The following C2CD5 variants were observed in gnomAD, a reference collection of about 807,000 sequenced individuals.
C2CD5 encodes the protein C2 calcium dependent domain containing 5.
Under a neutral mutation model 130.3 loss-of-function variants are expected in C2CD5, and 109 were observed. The observed-to-expected ratio is 0.84, with a 90% CI of 0.72 to 0.98. C2CD5 has a LOEUF of 0.98. C2CD5 is among the 50% of genes least tolerant of loss of function. The pLI is 0.00. For missense variants in C2CD5, 996 were observed against 1,261.8 expected (o/e 0.79, Z 3.19); for synonymous variants, 454 against 429.2 (o/e 1.06, Z -0.71).
At chr12:22,502,574 T>A (rs1947934425) in intron 10 of C2CD5, among the ~76,000 whole-genome samples, 1 of 152,228 alleles carries the variant, frequency 6.6e-6, no homozygotes, top group African/African-American at 2.4e-5. Context: ...TTTTTATATT[T>A]GTATTTCCAT....
At chr12:22,465,117 CTTG>C (rs1410150439) in intron 22 of C2CD5, among the ~76,000 whole-genome samples, 1 of 152,104 alleles carries the variant, frequency 6.6e-6, no homozygotes, top group African/African-American at 2.4e-5. Context: ...TATAAGCCAA[CTTG>C]TTTTTATATT....
intron 18 of C2CD5, 37 bp downstream of exon 18, chr12:22,472,249 T>C (rs540668234): frequency 1.0e-5 from 12 of 1,190,000 alleles, no homozygotes; most frequent in South Asian, 9.6e-5. Flanking sequence ...AAATAACTTA[T>C]GTGTTATGTG....
chr12:22,522,112 T>C (rs546718905), intron 7 of C2CD5, among the ~76,000 whole-genome samples: 109 of 152,330 alleles, frequency 7.2e-4, no homozygotes, highest in African/African-American at 2.1e-3. Context: ...TTTGCTTTTG[T>C]GCTACAATGG....
chr12:22,458,857 A>C (rs1940521552), intron 23 of C2CD5: 3 of 240,286 alleles, frequency 1.2e-5, no homozygotes, highest in Non-Finnish European at 1.6e-5. Context: ...GTCTAACATA[A>C]ATATCAATGA....
Position 22,479,078 on chromosome 12 carries a change from A to AT in C2CD5, c.1738-602dup, listed in dbSNP as rs934022392. Among the ~76,000 whole-genome samples, 733 of 145,420 alleles carry AT rather than the reference A, an allele frequency of 5.0e-3. 3 individuals are homozygous for AT. The highest frequency in any genetic ancestry group is 8.7e-3 in the African/African-American group (349 of 40,008). On this transcript the variant is annotated intron_variant, in intron 14 of 26. Coordinates refer to ENST00000446597, the MANE Select transcript of C2CD5 (RefSeq NM_001286176.2). ...ATATTTTTTATGTTTCTACCTCACA[A>AT]TTTTTTTTTTTTTGAGACGAAGTCC...
chr12:22,468,559 G>A (rs74359865), intron 22 of C2CD5, among the ~76,000 whole-genome samples: 5 of 152,258 alleles, frequency 3.3e-5, no homozygotes, highest in Admixed American at 2.6e-4. Context: ...CCTGGAAGCT[G>A]TATTTAATTC....
At chr12:22,463,943 GGTTTTATGTTTCTTTAGGAATTTCCATC>G (rs1190172073) in intron 22 of C2CD5, 1 of 151,876 alleles carries the variant, frequency 6.6e-6, no homozygotes, top group Non-Finnish European at 1.5e-5. Flanking sequence ...ATCAAAACTG[GGTTTTATGTTTCTTTAGGAATTTCCATC>G]AATTGATAAT....
chr12:22,500,529 CTTCT>C (rs1947631148), intron 10 of C2CD5, among the ~76,000 whole-genome samples: 2 of 152,272 alleles, frequency 1.3e-5, no homozygotes, highest in Admixed American at 6.5e-5. Context: ...ATCAAGCCTT[CTTCT>C]TTAACTCTTT....
chr12:22,530,103 TATATATATACACAC>T (rs1328296435), intron 3 of C2CD5, among the ~76,000 whole-genome samples: 206 of 115,722 alleles, frequency 1.8e-3, no homozygotes, highest in African/African-American at 7.2e-3. Context: ...TATATATATA[TATATATATACACAC>T]ACACACACAC....
chr12:22,543,971 G>A (rs1394679639), intron 2 of C2CD5, 90 bp downstream of exon 2: 2 of 975,320 alleles, frequency 2.1e-6, no homozygotes, highest in East Asian at 2.5e-5. Context: ...GTCGAGGGGG[G>A]AATAGGCTGA....
intron 11 of C2CD5, among the ~76,000 whole-genome samples, chr12:22,491,612 G>A (rs1007275251): frequency 1.3e-5 from 2 of 152,022 alleles, no homozygotes; most frequent in Admixed American, 6.6e-5. Flanking sequence ...GGTGGCTTAC[G>A]CCTGTAATCC....
At chr12:22,528,512 A>G in intron 3 of C2CD5, among the ~76,000 whole-genome samples, 1 of 152,178 alleles carries the variant, frequency 6.6e-6, no homozygotes, top group East Asian at 1.9e-4. Context: ...CGTACTCACT[A>G]TTTTGGCTGC....
chr12:22,488,719 A>G (rs1945926765), intron 12 of C2CD5, among the ~76,000 whole-genome samples: 1 of 152,082 alleles, frequency 6.6e-6, no homozygotes, highest in South Asian at 2.1e-4. Context: ...ATTTACAATG[A>G]CCTTTAAGGC....
intron 2 of C2CD5, among the ~76,000 whole-genome samples, chr12:22,541,007 AG>A (rs768937816): frequency 6.6e-6 from 1 of 152,242 alleles, no homozygotes; most frequent in Non-Finnish European, 1.5e-5. Flanking sequence ...AGCTATCTAA[AG>A]GGAGTCCTGG....
At chr12:22,530,383 TAA>T (rs1203008286) in intron 3 of C2CD5, among the ~76,000 whole-genome samples, 3 of 151,294 alleles carry the variant, frequency 2.0e-5, no homozygotes, top group Non-Finnish European at 4.4e-5. Flanking sequence ...ATGTTAACTA[TAA>T]ACACAAAGTT....
At chr12:22,490,330 T>A in intron 11 of C2CD5, 112 bp from the exon 12 acceptor site, 1 of 641,610 alleles carries the variant, frequency 1.6e-6, no homozygotes, top group Non-Finnish European at 2.7e-6. Flanking sequence ...AGTTAGACTC[T>A]ACTCAATATT....
At chr12:22,482,298 A>G (rs1396425814) in intron 14 of C2CD5, among the ~76,000 whole-genome samples, 1 of 152,190 alleles carries the variant, frequency 6.6e-6, no homozygotes, top group African/African-American at 2.4e-5. Context: ...AAAGTCCAGA[A>G]AAACTGTGGC....
chr12:22,500,500 T>C (rs1947625916), intron 10 of C2CD5, among the ~76,000 whole-genome samples: 1 of 152,136 alleles, frequency 6.6e-6, no homozygotes, highest in Non-Finnish European at 1.5e-5. Context: ...CTTCTATAAG[T>C]TTCTCTCATA....
intron 10 of C2CD5, among the ~76,000 whole-genome samples, chr12:22,505,972 T>TTCCACCAATGACAGAGTGGAATCCCAG (rs1555195439): frequency 2.6e-5 from 4 of 151,970 alleles, no homozygotes; most frequent in Non-Finnish European, 5.9e-5. Flanking sequence ...AGTGCTGGGA[T>TTCCACCAATGACAGAGTGGAATCCCAG]CTGGGTTCTG....
Sources: allele counts gnomAD v4.1 joint callset (sites outside exome capture counted in the v4.1 genomes callset), GRCh38; gene constraint gnomAD v4.1.1; transcripts MANE v1.5; gene names NCBI Gene and HGNC (gene_info 2026-07-23, HGNC 2026-07-21).